The following NPHP1 variants were observed in gnomAD, a reference collection of about 807,000 sequenced individuals.
NPHP1 encodes the protein nephrocystin 1.
A neutral mutation model predicts 90.4 loss-of-function variants in NPHP1; 70 were observed. That is an observed-to-expected ratio of 0.77 (90% confidence interval 0.64 to 0.95). The LOEUF is 0.95. Ranked by LOEUF, NPHP1 falls within the 40% of genes least tolerant of loss-of-function variation. The pLI, the probability that NPHP1 is intolerant of heterozygous loss-of-function variation, is 0.00. For synonymous variants in NPHP1, 256 were observed against 271.7 expected (o/e 0.94, Z 0.57); for missense variants, 764 against 795.9 (o/e 0.96, Z 0.48).
chr2:110,152,190 C>T (rs1456484420), intron 11 of NPHP1, among the ~76,000 whole-genome samples: 1 of 152,028 alleles, frequency 6.6e-6, no homozygotes, highest in African/African-American at 2.4e-5. Flanking sequence ...TGCAGTGGCT[C>T]GTGCCTGTAG....
intron 3 of NPHP1, 103 bp from the exon 4 acceptor site, chr2:110,178,650 T>C (rs1192810729): frequency 1.1e-5 from 11 of 1,015,756 alleles, no homozygotes; most frequent in Admixed American, 4.8e-5. Flanking sequence ...ACAAAGTAAA[T>C]ATCAGTGTGA....
intron 18 of NPHP1, chr2:110,125,993 AAATAGT>A: frequency 2.5e-6 from 1 of 397,558 alleles, no homozygotes; most frequent in Non-Finnish European, 4.7e-6. Context: ...CTGAATAATA[AAATAGT>A]ATTAAGCTTT....
chr2:110,131,813 T>A (rs747283364), intron 16 of NPHP1, 22 bp from the exon 17 acceptor site: 1 of 1,379,500 alleles, frequency 7.2e-7, no homozygotes, highest in Non-Finnish European at 1.0e-6. Context: ...GAAAAAAATG[T>A]ATTCATTAGA....
At chr2:110,189,729 G>A (rs984837285) in intron 2 of NPHP1, among the ~76,000 whole-genome samples, 12 of 152,072 alleles carry the variant, frequency 7.9e-5, no homozygotes, top group African/African-American at 2.7e-4. Context: ...TGACTGGTGC[G>A]TTTACAATCC....
chr2:110,201,602 C>T, intron 1 of NPHP1, 108 bp from the exon 2 acceptor site: 2 of 804,876 alleles, frequency 2.5e-6, no homozygotes. Flanking sequence ...AAACATACAA[C>T]AAAGTTTTAA....
At chr2:110,171,971 T>G (rs985265542) in intron 4 of NPHP1, among the ~76,000 whole-genome samples, 2 of 152,190 alleles carry the variant, frequency 1.3e-5, no homozygotes, top group Non-Finnish European at 2.9e-5. Context: ...TTTTTTAATA[T>G]TGGCACTATT....
intron 2 of NPHP1, chr2:110,184,115 G>T: frequency 3.6e-6 from 2 of 548,432 alleles, no homozygotes; most frequent in East Asian, 4.9e-5. Context: ...AATCTGGTGT[G>T]ATTAAAGCTG....
chr2:110,194,963 TA>T (rs1297795440), intron 2 of NPHP1, among the ~76,000 whole-genome samples: 2 of 152,102 alleles, frequency 1.3e-5, no homozygotes, highest in Non-Finnish European at 2.9e-5. Context: ...AACAACCCTT[TA>T]TGCTAAAAAC....
intron 11 of NPHP1, among the ~76,000 whole-genome samples, chr2:110,156,687 A>G (rs1286208478): frequency 6.6e-6 from 1 of 151,816 alleles, no homozygotes; most frequent in East Asian, 1.9e-4. Context: ...GTCCAAGAGG[A>G]GCTGACTCAA....
chr2:110,123,769 T>G lies in NPHP1; in HGVS notation c.*22A>C. The G allele has an allele frequency of 6.2e-7, 1 of 1,612,734 alleles. No homozygotes were observed. On this transcript the variant is annotated 3_prime_UTR_variant, in exon 20 of 20. Coordinates refer to ENST00000445609, the MANE Select transcript of NPHP1 (RefSeq NM_001128178.3). ...GGATCCATCTGATTCCGTGGGAAGC[T>G]GAGGGCTAGAGGCTGCCACTGTCAC... is the stretch of plus-strand genomic sequence containing the variant.
rs141348029 is a variant in NPHP1 at position 110,147,313 on chromosome 2, A to G, written c.1270-478T>C. Among the ~76,000 whole-genome samples, 4 of 152,068 alleles carry G rather than the reference A, an allele frequency of 2.6e-5. No homozygotes were observed. The East Asian group carries it at 7.7e-4, about 29-fold the overall frequency. On this transcript the variant is annotated intron_variant, in intron 13 of 19. Coordinates refer to ENST00000445609, the MANE Select transcript of NPHP1 (RefSeq NM_001128178.3). ...TTTCCCCAGTCCTACCCCCTCCACA[A>G]TACATATGGATGAATTTGCCTTAAA... is the stretch of plus-strand genomic sequence containing the variant.
chr2:110,128,824 T>A, intron 18 of NPHP1: 1 of 290,460 alleles, frequency 3.4e-6, no homozygotes, highest in Non-Finnish European at 6.6e-6. Flanking sequence ...ACACATGGAA[T>A]TAAAGATGAT....
intron 3 of NPHP1, 94 bp downstream of exon 3, chr2:110,179,529 AC>A (rs561476897): frequency 3.0e-6 from 2 of 673,722 alleles, no homozygotes; most frequent in South Asian, 3.1e-5. Context: ...ACTAACGTAA[AC>A]CCAGGAACTT....
chr2:110,129,374 C>T lies in NPHP1; in HGVS notation c.1643-115G>A, dbSNP rs1022802392. ...ATTGTGCCAAATGATTTGTTGATAA[C>T]ACATTCTACACACTTTGACTTCTAG... On this transcript the variant is annotated intron_variant, in intron 17 of 19. Transcript: ENST00000445609. 5 of 803,074 alleles carry T rather than the reference C, an allele frequency of 6.2e-6. No individual in the cohort carries two copies. In the African/African-American group the frequency reaches 8.5e-5, roughly 14 times the overall value. The allele number at this position is 803,074 out of a possible 1,614,324, so 49.7% of individuals were successfully genotyped here. A position where few individuals can be genotyped will look rare whatever the true frequency, so the allele number is the denominator to read the frequency against.
chr2:110,149,462 T>C (rs1422587964), intron 12 of NPHP1, among the ~76,000 whole-genome samples: 1 of 152,128 alleles, frequency 6.6e-6, no homozygotes, highest in Non-Finnish European at 1.5e-5. Context: ...TTAGGAGGTG[T>C]GCTCTCGACA....
chr2:110,143,820 C>A, intron 15 of NPHP1, 179 bp from the exon 16 acceptor site: 1 of 596,220 alleles, frequency 1.7e-6, no homozygotes, highest in Non-Finnish European at 3.0e-6. Flanking sequence ...GGATTGTTTG[C>A]TAAATCACAT....
chr2:110,140,482 AC>A (rs1212189469), intron 16 of NPHP1, among the ~76,000 whole-genome samples: 12 of 152,104 alleles, frequency 7.9e-5, no homozygotes, highest in African/African-American at 2.9e-4. Context: ...TGCCTTGCTA[AC>A]TTCTGCACCA....
rs752104780 is a variant in NPHP1, at chr2:110,124,098, A to AT, written c.1762-36dup. 23 of 1,612,096 alleles carry AT rather than the reference A, an allele frequency of 1.4e-5. No individual in the cohort carries two copies. The East Asian group carries it at 5.1e-4, about 36-fold the overall frequency. On this transcript the variant is annotated intron_variant, in intron 19 of 19. Transcript: ENST00000445609. ...CACCACCCCCACAAATAACATTGTT[A>AT]TTTTTAAAGTGTTAAATTCTGTGAA...
At chr2:110,180,019 A>G (rs944584951) in intron 2 of NPHP1, among the ~76,000 whole-genome samples, 1 of 152,166 alleles carries the variant, frequency 6.6e-6, no homozygotes, top group Non-Finnish European at 1.5e-5. Context: ...CAGAGACAAA[A>G]CTGATAATAG....
Sources: allele counts gnomAD v4.1 joint callset (sites outside exome capture counted in the v4.1 genomes callset), GRCh38; gene constraint gnomAD v4.1.1; transcripts MANE v1.5; gene names NCBI Gene and HGNC (gene_info 2026-07-23, HGNC 2026-07-21).